Variants in TNS1 observed in about 807,000 individuals in gnomAD.
The protein encoded by TNS1 is tensin 1, also known as tensin-1.
Under a neutral mutation model 168.6 loss-of-function variants are expected in TNS1, and 62 were observed. That is an observed-to-expected ratio of 0.37 (90% CI 0.30 to 0.45). The LOEUF is 0.45. Ranked by LOEUF, TNS1 falls within the 20% of genes least tolerant of loss-of-function variation. The pLI is 1.00. For missense variants in TNS1, 2,240 were observed against 2,339.4 expected (o/e 0.96, Z 0.88); for synonymous variants, 934 against 933.2 (o/e 1.00, Z -0.02).
At chr2:217,970,485 GT>G (rs542630641) in intron 3 of TNS1, among the ~76,000 whole-genome samples, 1 of 152,098 alleles carries the variant, frequency 6.6e-6, no homozygotes, top group Non-Finnish European at 1.5e-5. Flanking sequence ...TAACCAAAAA[GT>G]GAAACAACCC....
At chr2:217,928,703 T>C (rs1288650786) in intron 3 of TNS1, among the ~76,000 whole-genome samples, 1 of 148,556 alleles carries the variant, frequency 6.7e-6, no homozygotes, top group Non-Finnish European at 1.5e-5. Flanking sequence ...CCCCAAATCC[T>C]CCTGAGCTGA....
intron 1 of TNS1, among the ~76,000 whole-genome samples, chr2:218,022,160 G>C (rs1490654009): frequency 3.9e-5 from 6 of 152,162 alleles, no homozygotes; most frequent in Non-Finnish European, 5.9e-5. Context: ...TGGAGGAGGA[G>C]AGGGGGCAGG....
At chr2:218,008,525 G>C (rs1350896026) in intron 1 of TNS1, among the ~76,000 whole-genome samples, 2 of 152,238 alleles carry the variant, frequency 1.3e-5, no homozygotes, top group African/African-American at 4.8e-5. Flanking sequence ...GAACCCAGTG[G>C]AATGTGGACA....
chr2:217,900,389 A>C (rs1952822753), intron 7 of TNS1, 74 bp downstream of exon 7: 1 of 1,500,458 alleles, frequency 6.7e-7, no homozygotes, highest in Admixed American at 2.0e-5. Flanking sequence ...ACCCAGAGGC[A>C]AGACTTAACA....
At chr2:217,893,708 G>A in intron 9 of TNS1, 147 bp from the exon 10 acceptor site, 1 of 1,180,350 alleles carries the variant, frequency 8.5e-7, no homozygotes, top group Non-Finnish European at 1.2e-6. Flanking sequence ...CCTGCCCACT[G>A]GCCAGCGAGG....
chr2:217,898,101 C>T (rs1370431503), intron 7 of TNS1, 132 bp from the exon 8 acceptor site: 4 of 1,052,968 alleles, frequency 3.8e-6, no homozygotes, highest in Non-Finnish European at 5.1e-6. Flanking sequence ...GCTCTTCAAC[C>T]CAAGGCCAAG....
chr2:217,885,105 C>A lies in TNS1; in HGVS notation c.1176G>T (p.Gln392His). The A allele has an allele frequency of 6.2e-7, 1 of 1,614,266 alleles. No individual in the cohort carries two copies. Among genetic ancestry groups the A allele is most frequent in the Non-Finnish European group, 8.5e-7 (1 of 1,180,050 alleles). ...SPARDVIFRV[Q>H]FHTCAIHDLG... The stretch of plus-strand genomic sequence containing the variant: ...GGTCATGGATGGCACAGGTGTGGAA[C>A]TGCACACGGAAGATGACGTCTCGGG... The change falls in exon 16 of 33, where the codon CAG becomes CAT. Residue 392 changes from glutamine (Q) to histidine (H), a missense_variant. By Grantham distance (24) the Gln-to-His change is conservative. This residue lies in a region of TNS1 where 2,131 missense variants were observed against 2,171.2 expected (regional missense o/e 0.98). Transcript: ENST00000682258.
chr2:218,019,221 G>A (rs1031451279), intron 1 of TNS1, among the ~76,000 whole-genome samples: 9 of 152,208 alleles, frequency 5.9e-5, no homozygotes, highest in African/African-American at 2.2e-4. Flanking sequence ...GGGGAGTGAG[G>A]GACTGGGAGA....
chr2:217,977,146 G>A (rs544895684), intron 3 of TNS1, among the ~76,000 whole-genome samples: 1 of 152,356 alleles, frequency 6.6e-6, no homozygotes, highest in African/African-American at 2.4e-5. Flanking sequence ...AAGGTTGCAG[G>A]AAGGGCAGTA....
intron 1 of TNS1, among the ~76,000 whole-genome samples, chr2:217,997,436 C>A (rs756032569): frequency 1.4e-4 from 21 of 152,336 alleles, no homozygotes; most frequent in Non-Finnish European, 2.9e-4. Context: ...ATCCACCTCT[C>A]ATTTTTCTTT....
At chr2:217,843,536 C>T (rs1043376039) in intron 19 of TNS1, among the ~76,000 whole-genome samples, 4 of 152,158 alleles carry the variant, frequency 2.6e-5, no homozygotes, top group Non-Finnish European at 5.9e-5. Context: ...TCCACTCATC[C>T]TCAATCCCCC....
At chr2:217,924,382 C>G (rs34134227) in intron 3 of TNS1, among the ~76,000 whole-genome samples, 44,482 of 152,010 alleles carry the variant, frequency 0.29, 7,817 homozygotes, top group African/African-American at 0.49. Flanking sequence ...CCTTCACAGA[C>G]CTTATTACAA....
intron 18 of TNS1, among the ~76,000 whole-genome samples, chr2:217,875,831 A>G (rs909106346): frequency 1.3e-5 from 2 of 152,194 alleles, no homozygotes; most frequent in Non-Finnish European, 2.9e-5. Context: ...AGGGCTGAGA[A>G]GCTTGGGCAC....
At chr2:217,956,434 A>T (rs2059739) in intron 3 of TNS1, among the ~76,000 whole-genome samples, 1 of 151,952 alleles carries the variant, frequency 6.6e-6, no homozygotes, top group Non-Finnish European at 1.5e-5. Flanking sequence ...AAGGACGCAG[A>T]AAAGAGAAAG....
intron 3 of TNS1, 105 bp from the exon 4 acceptor site, chr2:217,920,341 C>T (rs1955589314): frequency 2.0e-5 from 14 of 687,990 alleles, no homozygotes; most frequent in South Asian, 1.1e-4. Flanking sequence ...TTCCCTCACA[C>T]GGGCTGACAC....
At chr2:218,017,697 A>G (rs566377630) in intron 1 of TNS1, among the ~76,000 whole-genome samples, 61 of 152,378 alleles carry the variant, frequency 4.0e-4, no homozygotes, top group African/African-American at 1.4e-3. Flanking sequence ...CTTCTTCTGT[A>G]AAATGGAGAC....
intron 8 of TNS1, 84 bp downstream of exon 8, chr2:217,897,714 G>A: frequency 7.2e-7 from 1 of 1,394,202 alleles, no homozygotes; most frequent in African/African-American, 1.5e-5. Context: ...AGGGGCTGGT[G>A]GCAGGGATAC....
intron 3 of TNS1, among the ~76,000 whole-genome samples, chr2:217,939,101 C>T (rs143134316): frequency 6.6e-5 from 10 of 152,298 alleles, no homozygotes; most frequent in South Asian, 2.1e-4. Flanking sequence ...ATGTGCCAGA[C>T]ACCGCCCAAA....
chr2:218,002,662 C>T (rs191444810), intron 1 of TNS1, among the ~76,000 whole-genome samples, 178 bp downstream of exon 1: 3 of 152,140 alleles, frequency 2.0e-5, no homozygotes, highest in Non-Finnish European at 2.9e-5. Context: ...GAAAGTCTTC[C>T]GGCTGAGGGT....
Sources: allele counts gnomAD v4.1 joint callset (sites outside exome capture counted in the v4.1 genomes callset), GRCh38; gene constraint gnomAD v4.1.1; regional missense constraint gnomAD v4.1.1; transcripts MANE v1.5; gene names NCBI Gene and HGNC (gene_info 2026-07-23, HGNC 2026-07-21).